The following ELOA variants were observed in gnomAD, a reference collection of about 807,000 sequenced individuals.
The protein encoded by ELOA is elongin A, also known as elongin-A.
Under a neutral mutation model 85.2 loss-of-function variants are expected in ELOA, and 15 were observed. That is an observed-to-expected ratio of 0.18 (90% CI 0.12 to 0.27). The LOEUF (loss-of-function observed/expected upper bound fraction) is 0.27, where lower values mean the gene tolerates loss of function less well. Ranked by LOEUF, ELOA falls within the 10% of genes least tolerant of loss-of-function variation. The pLI is 1.00. For synonymous variants in ELOA, 348 were observed against 357.2 expected, an observed-to-expected ratio of 0.97 and a Z score of 0.29; for missense variants, 769 against 952.7, an observed-to-expected ratio of 0.81 and a Z score of 2.54.
At chr1:23,752,589 G>GT in intron 5 of ELOA, 71 bp downstream of exon 5, 1 of 1,445,056 alleles carries the variant, frequency 6.9e-7, no homozygotes, top group Admixed American at 2.0e-5. Flanking sequence ...GGGTACAGTG[G>GT]CTCACACCTA....
At chr1:23,744,177 C>G (rs1644736458) in intron 1 of ELOA, 1 of 152,256 alleles carries the variant, frequency 6.6e-6, no homozygotes, top group Admixed American at 6.5e-5. Flanking sequence ...GTCACCTAAG[C>G]ATACTCCTGA....
intron 10 of ELOA, 120 bp from the exon 11 acceptor site, chr1:23,759,392 T>G (rs1319323785): frequency 1.1e-6 from 1 of 915,578 alleles, no homozygotes; most frequent in Non-Finnish European, 1.8e-6. Context: ...AGTTACTACT[T>G]GTATCTCTGC....
At chr1:23,750,628 G>T (rs757399168) in intron 3 of ELOA, among the ~76,000 whole-genome samples, 47 of 152,086 alleles carry the variant, frequency 3.1e-4, no homozygotes, top group Non-Finnish European at 6.5e-4. Flanking sequence ...TGAGATATTT[G>T]ATCTTTGCAT....
chr1:23,759,382 A>C, intron 10 of ELOA, 130 bp from the exon 11 acceptor site: 3 of 822,408 alleles, frequency 3.6e-6, no homozygotes, highest in South Asian at 3.0e-5. Flanking sequence ...CAGAGGAGAT[A>C]GTTACTACTT....
chr1:23,755,391 A>T (rs1203886965), intron 7 of ELOA, among the ~76,000 whole-genome samples: 1 of 152,124 alleles, frequency 6.6e-6, no homozygotes, highest in Non-Finnish European at 1.5e-5. Context: ...TTAGGGAGTT[A>T]TTTTTTTCCT....
chr1:23,759,443 T>A, intron 10 of ELOA, 69 bp from the exon 11 acceptor site: 2 of 1,519,440 alleles, frequency 1.3e-6, no homozygotes, highest in Non-Finnish European at 1.8e-6. Context: ...TGGCTTTGAC[T>A]GTAAACTACT....
intron 7 of ELOA, among the ~76,000 whole-genome samples, chr1:23,754,715 A>T (rs1644787016): frequency 6.6e-6 from 1 of 152,142 alleles, no homozygotes; most frequent in Non-Finnish European, 1.5e-5. Context: ...ATCTCCCTTG[A>T]GCTTGCCTAG....
At chr1:23,758,273 T>TA (rs1638237291) in intron 10 of ELOA, among the ~76,000 whole-genome samples, 5 of 101,816 alleles carry the variant, frequency 4.9e-5, no homozygotes, top group South Asian at 4.3e-4. Flanking sequence ...TTTTTTTTTT[T>TA]TTTTTTTTTT....
rs1429582002 is a variant in ELOA at position 23,756,407 on chromosome 1, G to A, written c.2084+22G>A. On this transcript the variant is annotated intron_variant, in intron 9 of 10. Coordinates refer to ENST00000613537, the MANE Select transcript of ELOA (RefSeq NM_003198.3). ...TCAAGTAAGATCTGTGTTCTTACCT[G>A]GCTTTTGTGTGCTATCAACCCTTAG... 5.8e-6 allele frequency: 9 copies of A among 1,549,472 alleles called. No homozygotes were observed. In the South Asian group the frequency reaches 1.1e-4, roughly 18 times the overall value.
intron 7 of ELOA, among the ~76,000 whole-genome samples, chr1:23,754,897 A>G (rs989397719): frequency 6.6e-6 from 1 of 151,464 alleles, no homozygotes; most frequent in African/African-American, 2.4e-5. Context: ...TGATTGCATC[A>G]GCTGTCTCTC....
At position 23,750,862 on chromosome 1, in the gene ELOA, A is replaced by G. The variant is rs139033109; in HGVS notation, c.257A>G (p.Glu86Gly). Residue 86 changes from glutamate (E) to glycine (G), a missense_variant, in exon 4 of 11, where the codon GAA becomes GGA. Physicochemically the swap from Glu to Gly is moderately conservative, Grantham distance 98. Coordinates refer to ENST00000613537, the MANE Select transcript of ELOA (RefSeq NM_003198.3). ...TATTTTAGAAATGCTGAGCCTGATG[A>G]ACAGGACTTTGAGAAGAGCAATTCC... ...VPVERNAEPD[E>G]QDFEKSNSRK... 4.9e-5 allele frequency: 78 copies of G among 1,589,970 alleles called. 1 individual carries two copies. The African/African-American group carries it at 1.0e-3, about 21-fold the overall frequency.
intron 7 of ELOA, among the ~76,000 whole-genome samples, chr1:23,755,128 T>C (rs1644788552): frequency 6.6e-6 from 1 of 152,122 alleles, no homozygotes; most frequent in Non-Finnish European, 1.5e-5. Context: ...CTCAGACTCT[T>C]GGCCTCCTGA....
chr1:23,743,602 C>T (rs1644732866), intron 1 of ELOA, 24 bp downstream of exon 1: 3 of 1,471,658 alleles, frequency 2.0e-6, no homozygotes, highest in African/African-American at 2.9e-5. Flanking sequence ...CGGCGCGTAG[C>T]GGGATGGGCG....
In ELOA at chr1:23,760,444, A is replaced by G. The variant is rs1448513841; in HGVS notation, c.*871A>G. The G allele has an allele frequency of 1.3e-5, 2 of 151,514 alleles. No individual in the cohort carries two copies. Among genetic ancestry groups the G allele is most frequent in the South Asian group, 2.1e-4 (1 of 4,808 alleles). 9.4% of individuals were successfully genotyped at this position (151,514 alleles called of 1,614,324 possible). A position where few individuals can be genotyped will look rare whatever the true frequency, so the allele number is the denominator to read the frequency against. On this transcript the variant is annotated 3_prime_UTR_variant, in exon 11 of 11. Transcript: ENST00000613537. ...GGGTTTCTCCCCACTGCCCTTCCCT[A>G]TCTTTCCTTCCCCTCAACACCATGA...
At position 23,749,956 on chromosome 1, in the gene ELOA, CA is replaced by C; in HGVS notation, c.239+9del. 1.2e-5 allele frequency: 20 copies of C among 1,608,122 alleles called. No individual in the cohort carries two copies. Among genetic ancestry groups the C allele is most frequent in the Non-Finnish European group, 1.6e-5 (19 of 1,175,748 alleles). ...GCTGGTTCCTGTGGAACGGTAAGAACATTTCTCTTTAGGTTTGTTCAATTTC... is the reference window on the plus strand; with the variant it reads ...GCTGGTTCCTGTGGAACGGTAAGAACTTTCTCTTTAGGTTTGTTCAATTTC... On this transcript the variant is annotated intron_variant, in intron 3 of 10. Coordinates refer to ENST00000613537, the MANE Select transcript of ELOA (RefSeq NM_003198.3).
intron 9 of ELOA, 102 bp downstream of exon 9, chr1:23,756,487 G>A: frequency 9.9e-7 from 1 of 1,010,434 alleles, no homozygotes; most frequent in South Asian, 1.4e-5. Flanking sequence ...AGGCAGTGCA[G>A]ACTGTGGGCT....
chr1:23,755,508 A>G (rs1023473364), intron 7 of ELOA, among the ~76,000 whole-genome samples: 2 of 152,140 alleles, frequency 1.3e-5, no homozygotes, highest in Non-Finnish European at 2.9e-5. Flanking sequence ...GAGGCTGGGC[A>G]TGGTGACACA....
At chr1:23,744,471 T>G (rs1644738089) in intron 1 of ELOA, among the ~76,000 whole-genome samples, 1 of 151,766 alleles carries the variant, frequency 6.6e-6, no homozygotes, top group Non-Finnish European at 1.5e-5. Flanking sequence ...TTTTTTTTTT[T>G]GAGGCGAGTC....
chr1:23,752,385 C>T (rs775870457), intron 4 of ELOA, 22 bp from the exon 5 acceptor site: 1 of 1,609,050 alleles, frequency 6.2e-7, no homozygotes, highest in South Asian at 1.1e-5. Flanking sequence ...TGACTCTCCA[C>T]CCATGGGTCT....
Sources: gnomAD v4.1 joint callset for allele counts (sites outside exome capture counted in the v4.1 genomes callset) on GRCh38, gnomAD v4.1.1 for gene constraint, MANE v1.5 for transcripts, NCBI Gene and HGNC (gene_info 2026-07-23, HGNC 2026-07-21) for gene names.